Variants in SON observed in about 807,000 individuals in gnomAD.
SON encodes the protein SON DNA and RNA binding protein, also known as protein SON.
Under a neutral mutation model 173.3 loss-of-function variants are expected in SON, and 4 were observed. That is an observed-to-expected ratio of 0.02 (90% CI 0.01 to 0.05). SON has a LOEUF of 0.05. Among genes scored for constraint, SON ranks in the 10% least tolerant of loss-of-function variants. The probability of loss-of-function intolerance (pLI) is 1.00; values close to 1 mark genes in which losing one functional copy is unlikely to be tolerated. For synonymous variants in SON, 1,190 were observed against 1,105.9 expected (o/e 1.08, Z -1.51); for missense variants, 2,626 against 3,055.3 (o/e 0.86, Z 3.31).
chr21:33,572,743 A>G, intron 8 of SON: 1 of 368,308 alleles, frequency 2.7e-6, no homozygotes, highest in Non-Finnish European at 4.7e-6. Context: ...ATTGTTTTCT[A>G]TTTGTTACTG....
intron 1 of SON, among the ~76,000 whole-genome samples, chr21:33,544,251 C>T (rs978191474): frequency 6.6e-6 from 1 of 152,184 alleles, no homozygotes; most frequent in African/African-American, 2.4e-5. Context: ...ATCACTTTTG[C>T]AGAATGTGTT....
intron 6 of SON, 38 bp from the exon 7 acceptor site, chr21:33,567,119 T>G: frequency 8.2e-7 from 1 of 1,219,902 alleles, no homozygotes; most frequent in Non-Finnish European, 1.2e-6. Flanking sequence ...TAGGGGACTA[T>G]GGTAATTTGA....
intron 6 of SON, among the ~76,000 whole-genome samples, chr21:33,561,436 AAG>A (rs1340020880): frequency 2.6e-5 from 4 of 152,220 alleles, no homozygotes; most frequent in African/African-American, 9.6e-5. Flanking sequence ...GCATTTAAAA[AAG>A]AGTTGGAAAA....
chr21:33,549,071 A>G (rs998970284), intron 2 of SON, among the ~76,000 whole-genome samples: 3 of 149,464 alleles, frequency 2.0e-5, no homozygotes, highest in Admixed American at 6.7e-5. Context: ...GTGAGGTGTT[A>G]TACTGTGGGG....
At chr21:33,567,453 G>A in intron 7 of SON, 186 bp downstream of exon 7, 1 of 579,230 alleles carries the variant, frequency 1.7e-6, no homozygotes, top group Non-Finnish European at 3.2e-6. Flanking sequence ...TTCAATAAAT[G>A]TTTATTGTTT....
At chr21:33,546,650 G>A (rs1463355001) in intron 2 of SON, 2 of 224,572 alleles carry the variant, frequency 8.9e-6, no homozygotes, top group Non-Finnish European at 1.7e-5. Flanking sequence ...GTGTGGTGGT[G>A]GGTGCCTGTA....
In SON at chr21:33,554,369, A is replaced by G. The variant is rs752358032; in HGVS notation, c.5138A>G (p.Lys1713Arg). The G allele has an allele frequency of 1.4e-5, 23 of 1,614,210 alleles. 1 individual carries two copies. In the Middle Eastern group the frequency reaches 3.3e-3, roughly 232 times the overall value. Residue 1713 changes from lysine (K) to arginine (R), a missense_variant, in exon 3 of 12, where the codon AAA becomes AGA. By Grantham distance (26) the Lys-to-Arg change is conservative. This residue lies in a region of SON where 1,006 missense variants were observed against 895.6 expected (regional missense o/e 1.12). Coordinates refer to ENST00000356577, the MANE Select transcript of SON (RefSeq NM_138927.4). ...GGEKEVPPPP[K>R]ETLPDSGFSA... ...GAAAAAGAAGTACCTCCCCCTCCTA[A>G]AGAGACACTGCCTGATTCAGGATTT...
chr21:33,575,340 TTAAC>T, intron 9 of SON: 1 of 314,720 alleles, frequency 3.2e-6, no homozygotes, highest in Non-Finnish European at 5.9e-6. Flanking sequence ...CTGGCCATAC[TTAAC>T]TTTTTGTTTT....
chr21:33,554,909 G>C lies in SON; in HGVS notation c.5678G>C (p.Arg1893Thr). 6.2e-7 allele frequency: 1 copy of C among 1,614,110 alleles called. No homozygotes were observed. The highest frequency in any genetic ancestry group is 8.5e-7 in the Non-Finnish European group (1 of 1,180,020). ...TCTGTATCAAAAGAGAAGCGCAAAAGATCTCCAAAGCACAGATCCAAGTCT... is the reference window on the plus strand; with the variant it reads ...TCTGTATCAAAAGAGAAGCGCAAAACATCTCCAAAGCACAGATCCAAGTCT... ...RRSVSKEKRK[R>T]SPKHRSKSRE... Residue 1893 changes from arginine (R) to threonine (T), a missense_variant, in exon 3 of 12, where the codon AGA (arginine) becomes ACA (threonine). Physicochemically the swap from Arg to Thr is moderately conservative, Grantham distance 71 (BLOSUM62 -1). Around this residue, in one of 13 missense-constraint regions of SON, gnomAD observed 1,006 missense variants for 895.6 expected, o/e 1.12. Transcript: ENST00000356577.
In SON at chr21:33,554,123, C is replaced by T. The variant is rs752830996; in HGVS notation, c.4892C>T (p.Ser1631Phe). Residue 1631 changes from serine to phenylalanine, a missense_variant, in exon 3 of 12, where the codon TCT becomes TTT. Transcript: ENST00000356577. ...SLVNKYDVDLSLTTQDTEHDM... is the reference protein window; with the variant it reads ...SLVNKYDVDLFLTTQDTEHDM... ...GTTAATAAATATGATGTTGATTTAT[C>T]TTTAACTACTCAAGATACTGAACAT... 3 of 1,613,616 alleles carry T rather than the reference C, an allele frequency of 1.9e-6. No homozygotes were observed. Among genetic ancestry groups the T allele is most frequent in the East Asian group, 4.5e-5 (2 of 44,900 alleles).
At chr21:33,572,578 C>T (rs753004900) in intron 8 of SON, 1 of 1,304,150 alleles carries the variant, frequency 7.7e-7, no homozygotes, top group South Asian at 1.2e-5. Flanking sequence ...TGTCTTCTTG[C>T]CCCGGTCAGT....
intron 6 of SON, among the ~76,000 whole-genome samples, chr21:33,566,210 TTC>T (rs1469647925): frequency 1.3e-5 from 2 of 152,272 alleles, no homozygotes; most frequent in East Asian, 3.9e-4. Flanking sequence ...AAAATGAATT[TTC>T]TTGTGTGAGA....
In SON at chr21:33,559,580, T is replaced by A. The variant is rs2086031633; in HGVS notation, c.6469-7T>A. ...GAGCTTTAATTAAGAAACACTTTAT[T>A]TTTTAGATTGCTGCAGCAAAACCAA... On this transcript the variant is annotated splice_polypyrimidine_tract_variant and splice_region_variant and intron_variant, in intron 5 of 11. Transcript: ENST00000356577. The surrounding 1 kb of genome is among the most constrained non-coding windows in gnomAD (Gnocchi z 4.1). 6.2e-7 allele frequency: 1 copy of A among 1,601,332 alleles called. No homozygotes were observed. Among genetic ancestry groups the A allele is most frequent in the Admixed American group, 1.8e-5 (1 of 56,364 alleles).
chr21:33,575,184 C>T (rs372785085), intron 9 of SON, among the ~76,000 whole-genome samples: 2 of 151,912 alleles, frequency 1.3e-5, no homozygotes, highest in African/African-American at 4.8e-5. Context: ...TACAGGCGCG[C>T]ACCACCACGC....
chr21:33,573,430 A>G lies in SON; in HGVS notation c.7008A>G (p.Leu2336=). The part of the protein sequence containing the change: ...KNKEGNKEPI[L]VDFKTDRKGL... ...AAGAAGGCAATAAGGAACCCATCCT[A>G]GTTGATTTTAAGACAGACCGAAAAG... The change falls in exon 9 of 12, where the codon CTA becomes CTG. Residue 2336 remains leucine (L), a synonymous_variant. Transcript: ENST00000356577. 6.2e-7 allele frequency: 1 copy of G among 1,613,348 alleles called. No homozygotes were observed. The highest frequency in any genetic ancestry group is 8.5e-7 in the Non-Finnish European group (1 of 1,179,526).
chr21:33,566,525 T>C (rs960672977), intron 6 of SON, among the ~76,000 whole-genome samples: 2 of 35,964 alleles, frequency 5.6e-5, no homozygotes, highest in Admixed American at 7.1e-4. Context: ...ATTGTAATTA[T>C]AAATAGTGTA....
chr21:33,577,116 A>G lies in SON; in HGVS notation c.*692A>G, dbSNP rs1458337032. The G allele has an allele frequency of 6.5e-6, 1 of 153,480 alleles. No individual in the cohort carries two copies. Among genetic ancestry groups the G allele is most frequent in the East Asian group, 1.9e-4 (1 of 5,224 alleles). The allele number at this position is 153,480 out of a possible 1,614,324, so 9.5% of individuals were successfully genotyped here. A position where few individuals can be genotyped will look rare whatever the true frequency, so the allele number is the denominator to read the frequency against. ...TGTGATGATCAGCACTAAGTCCTGCATTCCTGTTAAAGCCACTTGGGTCAT... is the reference window on the plus strand; with the variant it reads ...TGTGATGATCAGCACTAAGTCCTGCGTTCCTGTTAAAGCCACTTGGGTCAT... On this transcript the variant is annotated 3_prime_UTR_variant, in exon 12 of 12. Coordinates refer to ENST00000356577, the MANE Select transcript of SON (RefSeq NM_138927.4).
In SON at chr21:33,575,824, G is replaced by A. The variant is rs149970213; in HGVS notation, c.7152G>A (p.Arg2384=). The change falls in exon 11 of 12, where the codon AGG becomes AGA. Residue 2384 remains arginine (R), a synonymous_variant. Transcript: ENST00000356577. ...TGATGGAGATCTGTAATAAAAGAAG[G>A]TGGCAACCACCTGAATTTCTATTGG... ...SALMEICNKR[R]WQPPEFLLVH... 4,122 of 1,613,028 alleles carry A rather than the reference G, an allele frequency of 2.6e-3. 14 individuals are homozygous for A. Among genetic ancestry groups the A allele is most frequent in the Non-Finnish European group, 2.7e-3 (3,178 of 1,179,054 alleles).
rs770904395 is a variant in SON, at chr21:33,550,513, C to T, written c.1282C>T (p.Pro428Ser). Residue 428 changes from proline (P) to serine (S), a missense_variant, in exon 3 of 12, where the codon CCA (proline) becomes TCA (serine). Coordinates refer to ENST00000356577, the MANE Select transcript of SON (RefSeq NM_138927.4). ...CCTTTCTACCCCAGTGCCTGAGTTG[C>T]CAGGGCCCCCTGCGACAGCAGTGCC... ...GPLSTPVPEL[P>S]GPPATAVPEL... 6.2e-7 allele frequency: 1 copy of T among 1,613,910 alleles called. No individual in the cohort carries two copies. Among genetic ancestry groups the T allele is most frequent in the Non-Finnish European group, 8.5e-7 (1 of 1,179,914 alleles).
Sources: allele counts gnomAD v4.1 joint callset (sites outside exome capture counted in the v4.1 genomes callset), GRCh38; gene constraint gnomAD v4.1.1; regional missense constraint gnomAD v4.1.1; non-coding constraint Gnocchi (gnomAD v3.1); transcripts MANE v1.5; gene names NCBI Gene and HGNC (gene_info 2026-07-23, HGNC 2026-07-21).